Variants in ZFHX3 observed in about 807,000 individuals in gnomAD.
The protein encoded by ZFHX3 is zinc finger homeobox protein 3.
Under a neutral mutation model 279.1 loss-of-function variants are expected in ZFHX3, and 42 were observed. The observed-to-expected ratio is 0.15, with a 90% CI of 0.12 to 0.19. The LOEUF (loss-of-function observed/expected upper bound fraction) is 0.19. ZFHX3 is among the 10% of genes least tolerant of loss of function. ZFHX3 has a pLI of 1.00. For missense variants in ZFHX3, 4,981 were observed against 4,754.0 expected (o/e 1.05, Z -1.40); for synonymous variants, 2,293 against 1,957.8 (o/e 1.17, Z -4.52).
intron 7 of ZFHX3, chr16:73,126,822 TCCTG>T (rs929991325): frequency 6.6e-6 from 1 of 152,380 alleles, no homozygotes. Flanking sequence ...CCAGCGACAA[TCCTG>T]CCTCCGCAGC....
chr16:73,695,824 G>C (rs942406140), intron 1 of ZFHX3, among the ~76,000 whole-genome samples: 12 of 152,108 alleles, frequency 7.9e-5, no homozygotes, highest in African/African-American at 2.9e-4. Context: ...GTACCCATTT[G>C]TCTCAGTATC....
At chr16:73,864,550 C>G (rs997713362) in intron 1 of ZFHX3, among the ~76,000 whole-genome samples, 3 of 152,160 alleles carry the variant, frequency 2.0e-5, no homozygotes, top group Non-Finnish European at 4.4e-5. Flanking sequence ...GAAACCCTGT[C>G]TCTACTGGAA....
intron 4 of ZFHX3, among the ~76,000 whole-genome samples, chr16:72,871,535 T>C (rs899160302): frequency 6.6e-6 from 1 of 151,582 alleles, no homozygotes; most frequent in East Asian, 2.0e-4. Context: ...AGAGACGGGG[T>C]TTCACCACGT....
At chr16:73,488,656 A>G (rs565306159) in intron 2 of ZFHX3, among the ~76,000 whole-genome samples, 37 of 152,336 alleles carry the variant, frequency 2.4e-4, no homozygotes, top group African/African-American at 8.7e-4. Context: ...TGTCTGACTT[A>G]GGAAGCCATA....
intron 1 of ZFHX3, among the ~76,000 whole-genome samples, chr16:73,823,865 C>T (rs1020187306): frequency 3.3e-5 from 5 of 152,146 alleles, no homozygotes; most frequent in Non-Finnish European, 5.9e-5. Flanking sequence ...TTTCAGCGGA[C>T]GCTCTGATGG....
chr16:73,598,423 CTT>C (rs112833090), intron 2 of ZFHX3, among the ~76,000 whole-genome samples: 7 of 142,888 alleles, frequency 4.9e-5, no homozygotes, highest in Non-Finnish European at 3.1e-5. Context: ...TTCTTTTTAT[CTT>C]TTTTTTTTTT....
chr16:73,441,118 A>C (rs1006082763), intron 3 of ZFHX3, among the ~76,000 whole-genome samples: 6 of 152,072 alleles, frequency 3.9e-5, no homozygotes, highest in Admixed American at 6.6e-5. Flanking sequence ...GAGGATTACT[A>C]ATTTACTAAA....
chr16:72,958,051 C>T lies in ZFHX3; in HGVS notation c.2095G>A (p.Gly699Ser). Residue 699 changes from glycine to serine, a missense_variant, in exon 2 of 10, where the codon GGC becomes AGC. Gly to Ser is a moderately conservative substitution (Grantham distance 56). This residue lies in a region of ZFHX3 where 1,068 missense variants were observed against 935.2 expected (regional missense o/e 1.14). Transcript: ENST00000268489. ...CCGCTTTTGCAGTAGACACAGGAGC[C>T]CCCCGGCTCCGGGTGCTTCTCCTTC... ...HMKEKHPEPG[G>S]SCVYCKSGQP... 1 of 1,613,724 alleles carries T rather than the reference C, an allele frequency of 6.2e-7. No homozygotes were observed. Among genetic ancestry groups the T allele is most frequent in the African/African-American group, 1.3e-5 (1 of 75,052 alleles).
intron 5 of ZFHX3, among the ~76,000 whole-genome samples, chr16:73,196,231 T>A (rs1968146996): frequency 6.6e-6 from 1 of 151,742 alleles, no homozygotes; most frequent in African/African-American, 2.4e-5. Flanking sequence ...CTGCTTTAAT[T>A]AATCCCAAGC....
intron 5 of ZFHX3, among the ~76,000 whole-genome samples, chr16:73,242,113 T>C (rs1404718945): frequency 6.6e-6 from 1 of 152,168 alleles, no homozygotes; most frequent in African/African-American, 2.4e-5. Flanking sequence ...TTTTTGGGCA[T>C]ATTCATGGAG....
At chr16:73,737,262 C>T (rs2053617357) in intron 1 of ZFHX3, among the ~76,000 whole-genome samples, 1 of 152,120 alleles carries the variant, frequency 6.6e-6, no homozygotes, top group South Asian at 2.1e-4. Flanking sequence ...GTCTTGAACT[C>T]CTGGGCTCGA....
chr16:73,075,721 C>T (rs543730303), intron 8 of ZFHX3, among the ~76,000 whole-genome samples: 1 of 152,010 alleles, frequency 6.6e-6, no homozygotes, highest in South Asian at 2.1e-4. Flanking sequence ...GCAACCTCCG[C>T]CTCCTGGGTT....
chr16:73,245,261 T>A (rs151246136), intron 5 of ZFHX3, among the ~76,000 whole-genome samples: 153 of 152,304 alleles, frequency 1.0e-3, no homozygotes, highest in Non-Finnish European at 1.8e-3. Context: ...CATCCCCACT[T>A]TTCTGTTTTT....
At chr16:73,395,813 T>C (rs2017115939) in intron 3 of ZFHX3, among the ~76,000 whole-genome samples, 1 of 152,074 alleles carries the variant, frequency 6.6e-6, no homozygotes, top group South Asian at 2.1e-4. Context: ...AGGGATGGTA[T>C]ACAAGTCCCA....
chr16:73,499,887 A>C (rs1244340196), intron 2 of ZFHX3: 1 of 152,194 alleles, frequency 6.6e-6, no homozygotes, highest in East Asian at 1.9e-4. Flanking sequence ...TAGCTACCAA[A>C]ACATCACTGT....
chr16:73,050,582 T>A (rs902762597), upstream of ZFHX3, among the ~76,000 whole-genome samples: 1 of 152,232 alleles, frequency 6.6e-6, no homozygotes, highest in Admixed American at 6.5e-5. Context: ...TCAGAGGGAA[T>A]TGGCAACTTC....
At chr16:73,871,415 A>T (rs1962159518) in intron 1 of ZFHX3, among the ~76,000 whole-genome samples, 1 of 152,104 alleles carries the variant, frequency 6.6e-6, no homozygotes, top group East Asian at 1.9e-4. Flanking sequence ...TTCTTCTATT[A>T]ACCCAACGTG....
chr16:73,381,150 T>G (rs1336955543), intron 3 of ZFHX3, among the ~76,000 whole-genome samples: 2 of 152,162 alleles, frequency 1.3e-5, no homozygotes, highest in South Asian at 4.1e-4. Context: ...TAAAATCTTA[T>G]TGAAAGACCC....
intron 1 of ZFHX3, among the ~76,000 whole-genome samples, chr16:73,030,634 A>T (rs1292147634): frequency 6.7e-6 from 1 of 149,604 alleles, no homozygotes; most frequent in Admixed American, 6.6e-5. Context: ...TGAAGGGAAA[A>T]GAGAAAAAAA....
Sources: gnomAD v4.1 joint callset for allele counts (sites outside exome capture counted in the v4.1 genomes callset) on GRCh38, gnomAD v4.1.1 for gene constraint, gnomAD v4.1.1 regional missense constraint, MANE v1.5 for transcripts, NCBI Gene and HGNC (gene_info 2026-07-23, HGNC 2026-07-21) for gene names.